Variants in FLOT2 observed in about 807,000 individuals in gnomAD.
FLOT2 encodes the protein flotillin-2.
Under a neutral mutation model 54.9 loss-of-function variants are expected in FLOT2, and 35 were observed. The observed-to-expected ratio is 0.64, with a 90% CI of 0.49 to 0.84. The LOEUF (loss-of-function observed/expected upper bound fraction) is 0.84, where lower values mean the gene tolerates loss of function less well. Among genes scored for constraint, FLOT2 ranks in the 40% least tolerant of loss-of-function variants. The probability of loss-of-function intolerance (pLI) is 0.00; values close to 1 mark genes in which losing one functional copy is unlikely to be tolerated. For synonymous variants in FLOT2, 207 were observed against 228.9 expected, an observed-to-expected ratio of 0.90 and a Z score of 0.86; for missense variants, 464 against 572.1, an observed-to-expected ratio of 0.81 and a Z score of 1.93.
intron 2 of FLOT2, among the ~76,000 whole-genome samples, chr17:28,886,373 C>T (rs931092988): frequency 3.3e-5 from 5 of 152,154 alleles, no homozygotes; most frequent in East Asian, 1.9e-4. Context: ...TTCCAGAAAT[C>T]GGGAGTGGGA....
rs1163773448 is a variant in FLOT2 at position 28,881,346 on chromosome 17, T to G, written c.944A>C (p.Glu315Ala). The change falls in exon 9 of 11, where the codon GAG becomes GCG. Residue 315 changes from glutamate to alanine, a missense_variant. Coordinates refer to ENST00000394908, the MANE Select transcript of FLOT2 (RefSeq NM_004475.3). ...CCCGATTTTGCGGATCTTCTCAGCC[T>G]CTGCCTGTGCCAAGAGGACCTGCTT... ...KVKQVLLAQA[E>A]AEKIRKIGEA... The G allele has an allele frequency of 6.2e-7, 1 of 1,613,174 alleles. No individual in the cohort carries two copies. The highest frequency in any genetic ancestry group is 2.2e-5 in the East Asian group (1 of 44,888).
intron 1 of FLOT2, among the ~76,000 whole-genome samples, chr17:28,893,948 G>C (rs1228492553): frequency 2.6e-5 from 4 of 152,194 alleles, no homozygotes; most frequent in Non-Finnish European, 5.9e-5. Flanking sequence ...ACAGAAATTG[G>C]GCACTCGAGG....
At chr17:28,886,857 A>G (rs1233767410) in intron 2 of FLOT2, among the ~76,000 whole-genome samples, 1 of 152,178 alleles carries the variant, frequency 6.6e-6, no homozygotes, top group African/African-American at 2.4e-5. Flanking sequence ...GGCCACCCCC[A>G]CAGTGCCAGC....
At chr17:28,890,366 G>A (rs1270215512) in intron 1 of FLOT2, among the ~76,000 whole-genome samples, 8 of 151,044 alleles carry the variant, frequency 5.3e-5, no homozygotes, top group African/African-American at 1.5e-4. Flanking sequence ...ATACAGAAAC[G>A]AGAAAAATCA....
At chr17:28,886,580 A>C (rs1425762587) in intron 2 of FLOT2, among the ~76,000 whole-genome samples, 1 of 152,194 alleles carries the variant, frequency 6.6e-6, no homozygotes, top group Non-Finnish European at 1.5e-5. Context: ...GGGAATTTCC[A>C]AAGTTGGCCA....
Position 28,880,747 on chromosome 17 carries a change from G to C in FLOT2, c.1214C>G (p.Ser405Cys), listed in dbSNP as rs2039432770. The change falls in exon 10 of 11, where the codon TCT becomes TGT. Residue 405 changes from serine to cysteine, a missense_variant. Physicochemically the swap from Ser to Cys is moderately radical, Grantham distance 112 (BLOSUM62 -1). Transcript: ENST00000394908. ...VNRLLAELPA[S>C]VHALTGVDLS... Reference sequence around the variant, plus strand: ...GTCCACGCCTGTGAGGGCATGCACAGAGGCAGGCAGCTCGGCCAGCAGTCG... The same window carrying C: ...GTCCACGCCTGTGAGGGCATGCACACAGGCAGGCAGCTCGGCCAGCAGTCG... The C allele has an allele frequency of 6.8e-6, 11 of 1,614,250 alleles. No individual in the cohort carries two copies. Among genetic ancestry groups the C allele is most frequent in the Non-Finnish European group, 9.3e-6 (11 of 1,180,042 alleles).
At chr17:28,888,814 C>CA in intron 2 of FLOT2, 131 bp downstream of exon 2, 4 of 550,764 alleles carry the variant, frequency 7.3e-6, no homozygotes, top group East Asian at 3.7e-5. Flanking sequence ...AACCCCACCC[C>CA]TCCACCGCCA....
intron 8 of FLOT2, 39 bp from the exon 9 acceptor site, chr17:28,881,414 C>T (rs1191490178): frequency 1.9e-6 from 3 of 1,592,144 alleles, no homozygotes; most frequent in Non-Finnish European, 2.6e-6. Flanking sequence ...GTGGGACGTA[C>T]CAGGGTCCTC....
chr17:28,884,375 GA>G lies in FLOT2; in HGVS notation c.132-61del, dbSNP rs994451112. The G allele has an allele frequency of 1.8e-6, 2 of 1,106,862 alleles. No individual in the cohort carries two copies. The highest frequency in any genetic ancestry group is 1.3e-6 in the Non-Finnish European group (1 of 742,306). 68.6% of individuals were successfully genotyped at this position (1,106,862 alleles called of 1,614,324 possible). On this transcript the variant is annotated intron_variant, in intron 2 of 10. Transcript: ENST00000394908. This position sits in a 1 kb window ranked among gnomAD's most constrained non-coding sequence, Gnocchi z 5.1. ...GGGGCGCAGGGCCTGGTGGTGTTGG[GA>G]AAGAGGCCAGTACCTCACTGCTCCG...
chr17:28,892,794 GCAAC>G (rs1205334396), intron 1 of FLOT2: 1 of 152,232 alleles, frequency 6.6e-6, no homozygotes, highest in Non-Finnish European at 1.5e-5. Context: ...GGGATTACAG[GCAAC>G]CACCACCACG....
rs865838855 is a variant in FLOT2 at position 28,880,438 on chromosome 17, G to A, written c.*123C>T. On this transcript the variant is annotated 3_prime_UTR_variant, in exon 11 of 11. Transcript: ENST00000394908. ...CAGCCAGAGATGGCCTGAACACGCA[G>A]CACTTCTGGTCCCTTCGAGATAAGG... 96 of 1,519,460 alleles carry A rather than the reference G, an allele frequency of 6.3e-5. No homozygotes were observed. The highest frequency in any genetic ancestry group is 3.4e-4 in the Admixed American group (16 of 46,842). 94.1% of individuals were successfully genotyped at this position (1,519,460 alleles called of 1,614,324 possible).
chr17:28,879,928 G>A lies in FLOT2; in HGVS notation c.*633C>T. 3 of 986,334 alleles carry A rather than the reference G, an allele frequency of 3.0e-6. No homozygotes were observed. The highest frequency in any genetic ancestry group is 3.6e-6 in the Non-Finnish European group (3 of 830,408). 61.1% of individuals were successfully genotyped at this position (986,334 alleles called of 1,614,324 possible). ...GAGGCCTTGCCTCTGTGCCCTTGGG[G>A]TCAGGGAGAAAGGACAGGGTATGAG... On this transcript the variant is annotated 3_prime_UTR_variant, in exon 11 of 11. Coordinates refer to ENST00000394908, the MANE Select transcript of FLOT2 (RefSeq NM_004475.3).
In FLOT2 at chr17:28,882,139, G is replaced by GT. The variant is rs1332449154; in HGVS notation, c.677_678insA (p.Phe226LeufsTer3). On this transcript the variant is annotated frameshift_variant, in exon 7 of 11. Transcript: ENST00000394908. LOFTEE classifies it high-confidence loss of function. The surrounding 1 kb of genome is among the most constrained non-coding windows in gnomAD (Gnocchi z 5.6). ...TCACCTTGATGTTAACCTCCTCACT[G>GT]AAGGCTGACTTTTGCAGCTCGAAGG... 6.2e-7 allele frequency: 1 copy of GT among 1,614,146 alleles called. No homozygotes were observed. The highest frequency in any genetic ancestry group is 8.5e-7 in the Non-Finnish European group (1 of 1,180,026).
rs1423089617 is a variant in FLOT2, at chr17:28,884,657, G to T, written c.132-342C>A. ...GTAGCTGTGTGTATGTTCTAGGATA[G>T]CAAGTCAGTGCTGGTCCTCCCGGCC... is the stretch of plus-strand genomic sequence containing the variant. On this transcript the variant is annotated intron_variant, in intron 2 of 10. Coordinates refer to ENST00000394908, the MANE Select transcript of FLOT2 (RefSeq NM_004475.3). The surrounding 1 kb of genome is among the most constrained non-coding windows in gnomAD (Gnocchi z 5.1). 6.6e-6 allele frequency among the ~76,000 whole-genome samples: 1 copy of T among 152,196 alleles called. No individual in the cohort carries two copies. Among genetic ancestry groups the T allele is most frequent in the Non-Finnish European group, 1.5e-5 (1 of 68,016 alleles).
intron 1 of FLOT2, among the ~76,000 whole-genome samples, chr17:28,889,998 T>C (rs180982471): frequency 6.6e-6 from 1 of 152,260 alleles, no homozygotes; most frequent in African/African-American, 2.4e-5. Flanking sequence ...TCACCTGTTA[T>C]CACGGGGGGT....
Position 28,884,459 on chromosome 17 carries a change from G to A in FLOT2, c.132-144C>T. ...CTCTCCACGGGGCTGAGATGGGAGT[G>A]TCTGAGAAGGAGGTGGGCACGAGGG... On this transcript the variant is annotated intron_variant, in intron 2 of 10. Coordinates refer to ENST00000394908, the MANE Select transcript of FLOT2 (RefSeq NM_004475.3). This position sits in a 1 kb window ranked among gnomAD's most constrained non-coding sequence, Gnocchi z 5.1. The A allele has an allele frequency of 3.3e-6, 2 of 605,646 alleles. No individual in the cohort carries two copies. Among genetic ancestry groups the A allele is most frequent in the Non-Finnish European group, 5.9e-6 (2 of 340,194 alleles). 37.5% of individuals were successfully genotyped at this position (605,646 alleles called of 1,614,324 possible). A position where few individuals can be genotyped will look rare whatever the true frequency, so the allele number is the denominator to read the frequency against.
At chr17:28,894,934 C>T (rs2039717848) in intron 1 of FLOT2, among the ~76,000 whole-genome samples, 1 of 150,718 alleles carries the variant, frequency 6.6e-6, no homozygotes, top group Admixed American at 6.7e-5. Flanking sequence ...TTTATTGAAA[C>T]AGGGTCTCAC....
At chr17:28,885,327 G>A (rs2039520914) in intron 2 of FLOT2, among the ~76,000 whole-genome samples, 1 of 152,208 alleles carries the variant, frequency 6.6e-6, no homozygotes, top group Admixed American at 6.5e-5. Context: ...GCAACTGAAT[G>A]CAGAGGGAGG....
rs1227264983 is a variant in FLOT2 at position 28,884,328 on chromosome 17, G to A, written c.132-13C>T. On this transcript the variant is annotated splice_polypyrimidine_tract_variant and intron_variant, in intron 2 of 10. Coordinates refer to ENST00000394908, the MANE Select transcript of FLOT2 (RefSeq NM_004475.3). The surrounding 1 kb of genome is among the most constrained non-coding windows in gnomAD (Gnocchi z 5.1). ...CTCTAGGGAAATCCTGCCAAGAAAC[G>A]CAAAACAGGGGCATGGGTCTGGGGG... is the stretch of plus-strand genomic sequence containing the variant. 5.1e-6 allele frequency: 8 copies of A among 1,581,488 alleles called. No homozygotes were observed. Among genetic ancestry groups the A allele is most frequent in the African/African-American group, 2.7e-5 (2 of 74,418 alleles).
Sources: allele counts gnomAD v4.1 joint callset (sites outside exome capture counted in the v4.1 genomes callset), GRCh38; gene constraint gnomAD v4.1.1; non-coding constraint Gnocchi (gnomAD v3.1); transcripts MANE v1.5; gene names NCBI Gene and HGNC (gene_info 2026-07-23, HGNC 2026-07-21).